ZNF83: variants seen among roughly 807,000 people sequenced by gnomAD.
The protein encoded by ZNF83 is zinc finger protein 83.
For missense variants in ZNF83, 552 were observed against 629.9 expected (o/e 0.88, Z 1.32); for synonymous variants, 209 against 213.0 (o/e 0.98, Z 0.17).
intron 1 of ZNF83, among the ~76,000 whole-genome samples, chr19:52,689,403 T>C (rs1380067940): frequency 1.3e-5 from 2 of 152,012 alleles, no homozygotes; most frequent in Non-Finnish European, 2.9e-5. Flanking sequence ...ATCCCCACTC[T>C]CTAGCACTCC....
At chr19:52,680,818 T>C (rs2061903416) in intron 1 of ZNF83, among the ~76,000 whole-genome samples, 1 of 149,864 alleles carries the variant, frequency 6.7e-6, no homozygotes, top group African/African-American at 2.5e-5. Context: ...TTCACCGTGT[T>C]AGCCAGGATG....
At chr19:52,655,539 T>A in intron 3 of ZNF83, 1 of 1,472,750 alleles carries the variant, frequency 6.8e-7, no homozygotes, top group Non-Finnish European at 9.5e-7. Context: ...ATTCCTCACA[T>A]CAGGAGGGAC....
chr19:52,658,712 G>A (rs1051151162), intron 2 of ZNF83, among the ~76,000 whole-genome samples: 9 of 152,158 alleles, frequency 5.9e-5, no homozygotes, highest in African/African-American at 2.2e-4. Context: ...TTAGGTCATA[G>A]GGTAAATACT....
chr19:52,686,481 T>TAA (rs1266406712), intron 1 of ZNF83, among the ~76,000 whole-genome samples: 7 of 128,652 alleles, frequency 5.4e-5, no homozygotes, highest in South Asian at 5.0e-4. Context: ...TATATATATA[T>TAA]AAATAAATGA....
At chr19:52,626,568 T>C (rs1464174098) in intron 2 of ZNF83, among the ~76,000 whole-genome samples, 1 of 152,126 alleles carries the variant, frequency 6.6e-6, no homozygotes, top group Non-Finnish European at 1.5e-5. Context: ...CTCCTTCTCT[T>C]ATTCAGGCCC....
At chr19:52,649,092 C>A (rs1437543744) in intron 3 of ZNF83, among the ~76,000 whole-genome samples, 2 of 152,170 alleles carry the variant, frequency 1.3e-5, no homozygotes, top group Non-Finnish European at 2.9e-5. Context: ...GGGTTGAAGG[C>A]CCACACACGG....
chr19:52,670,062 C>T (rs1043012082), intron 1 of ZNF83, among the ~76,000 whole-genome samples: 5 of 152,128 alleles, frequency 3.3e-5, no homozygotes, highest in African/African-American at 1.2e-4. Context: ...ACTTAACTTC[C>T]TCATAAAGCA....
At chr19:52,668,017 GTCCAC>G (rs1568574026) in intron 1 of ZNF83, among the ~76,000 whole-genome samples, 1 of 152,154 alleles carries the variant, frequency 6.6e-6, no homozygotes, top group Non-Finnish European at 1.5e-5. Context: ...GGATTATAAA[GTCCAC>G]TGCTGATGTC....
chr19:52,687,436 ATAGCTATATAAAT>A (rs1428373317), intron 1 of ZNF83, among the ~76,000 whole-genome samples: 539 of 20,038 alleles, frequency 0.027, 214 homozygotes, highest in African/African-American at 0.13. Context: ...TATAATTTAT[ATAGCTATATAAAT>A]TATAATATAA....
At chr19:52,629,605 TAAA>T (rs1470268145) in intron 2 of ZNF83, among the ~76,000 whole-genome samples, 3 of 152,276 alleles carry the variant, frequency 2.0e-5, no homozygotes, top group African/African-American at 7.2e-5. Context: ...AATTTACTCT[TAAA>T]AAGGTGGCTG....
At chr19:52,645,174 T>A (rs1261863877) in intron 3 of ZNF83, among the ~76,000 whole-genome samples, 1 of 152,058 alleles carries the variant, frequency 6.6e-6, no homozygotes, top group Non-Finnish European at 1.5e-5. Flanking sequence ...GAAAGAAAAC[T>A]GAAAAATAGA....
intron 2 of ZNF83, among the ~76,000 whole-genome samples, chr19:52,634,628 G>A (rs12976894): frequency 0.064 from 9,686 of 152,076 alleles, 400 homozygotes; most frequent in Non-Finnish European, 0.096. Flanking sequence ...ATAAAATCAG[G>A]GAGAAAAGAT....
At chr19:52,689,629 T>C (rs562509470) in intron 1 of ZNF83, among the ~76,000 whole-genome samples, 1 of 152,276 alleles carries the variant, frequency 6.6e-6, no homozygotes, top group African/African-American at 2.4e-5. Flanking sequence ...TCCTCCTGCT[T>C]TCTTATCGTT....
chr19:52,637,321 T>C (rs910908537), intron 1 of ZNF83, among the ~76,000 whole-genome samples: 3 of 152,046 alleles, frequency 2.0e-5, no homozygotes, highest in Non-Finnish European at 4.4e-5. Context: ...GATCCCCAGG[T>C]GTCCTCCCTG....
chr19:52,686,459 C>CATATATATAT (rs3055374), intron 1 of ZNF83, among the ~76,000 whole-genome samples: 1 of 143,078 alleles, frequency 7.0e-6, no homozygotes, highest in Non-Finnish European at 1.5e-5. Context: ...AAAAAAATTA[C>CATATATATAT]ATATATATAT....
chr19:52,621,999 G>C (rs1308991823), intron 2 of ZNF83, among the ~76,000 whole-genome samples: 1 of 151,720 alleles, frequency 6.6e-6, no homozygotes, highest in Non-Finnish European at 1.5e-5. Flanking sequence ...AACTGCTGCT[G>C]AGTCTTCTGA....
intron 1 of ZNF83, among the ~76,000 whole-genome samples, chr19:52,671,041 TAGAAGA>T (rs2061718119): frequency 6.6e-6 from 1 of 152,204 alleles, no homozygotes; most frequent in African/African-American, 2.4e-5. Context: ...TGGTAGGGCC[TAGAAGA>T]AAAAGATCTA....
At chr19:52,649,766 G>A (rs1362875782) in intron 3 of ZNF83, among the ~76,000 whole-genome samples, 1 of 152,084 alleles carries the variant, frequency 6.6e-6, no homozygotes, top group African/African-American at 2.4e-5. Context: ...CTAGCCATTG[G>A]TAGCCATTTA....
intron 1 of ZNF83, among the ~76,000 whole-genome samples, chr19:52,673,788 G>C (rs981622133): frequency 1.3e-5 from 2 of 150,802 alleles, no homozygotes; most frequent in Non-Finnish European, 2.9e-5. Context: ...GCTGAGGTGG[G>C]CCAATCACCT....
Sources: allele counts gnomAD v4.1 joint callset (sites outside exome capture counted in the v4.1 genomes callset), GRCh38; gene constraint gnomAD v4.1.1; transcripts MANE v1.5; gene names NCBI Gene and HGNC (gene_info 2026-07-23, HGNC 2026-07-21).